CCKBR: variants seen among roughly 807,000 people sequenced by gnomAD.
CCKBR encodes the protein gastrin/cholecystokinin type B receptor.
A neutral mutation model predicts 34.6 loss-of-function variants in CCKBR; 33 were observed. That is an observed-to-expected ratio of 0.95 (90% confidence interval 0.72 to 1.27). The LOEUF is 1.27. Among genes scored for constraint, CCKBR ranks in the 50% most tolerant of loss-of-function variants. The pLI is 0.00. For missense variants in CCKBR, 652 were observed against 617.4 expected (o/e 1.06, Z -0.59); for synonymous variants, 269 against 267.5 (o/e 1.01, Z -0.06).
chr11:6,263,616 A>G (rs1002201887), intron 1 of CCKBR, among the ~76,000 whole-genome samples: 5 of 152,028 alleles, frequency 3.3e-5, no homozygotes, highest in Non-Finnish European at 7.4e-5. Flanking sequence ...GACTACAGGC[A>G]TGTGCCACCA....
chr11:6,261,470 C>CACACACAT (rs1848132618), intron 1 of CCKBR, among the ~76,000 whole-genome samples: 1 of 98,484 alleles, frequency 1.0e-5, no homozygotes, highest in African/African-American at 3.4e-5. Context: ...TATACACACA[C>CACACACAT]ACACACACAC....
In CCKBR at chr11:6,260,079, G is replaced by C; in HGVS notation, c.151G>C (p.Glu51Gln). 6.3e-7 allele frequency: 1 copy of C among 1,590,448 alleles called. No homozygotes were observed. Among genetic ancestry groups the C allele is most frequent in the Non-Finnish European group, 8.5e-7 (1 of 1,172,138 alleles). ...TCGCATTCGCGGAGCCGGGACACGA[G>C]GTGGGTGCCTCCCTCAGCCCCCCCC... ...PPRIRGAGTR[E>Q]LELAIRITLY... Residue 51 changes from glutamate (E) to glutamine (Q), a missense_variant and splice_region_variant, in exon 1 of 5, where the codon GAA becomes CAA. Physicochemically the swap from Glu to Gln is conservative, Grantham distance 29. Coordinates refer to ENST00000334619, the MANE Select transcript of CCKBR (RefSeq NM_176875.4).
In CCKBR at chr11:6,270,665, C is replaced by T. The variant is rs1243234490; in HGVS notation, c.673C>T (p.Leu225Phe). 6.2e-7 allele frequency: 1 copy of T among 1,610,472 alleles called. No homozygotes were observed. Among genetic ancestry groups the T allele is most frequent in the South Asian group, 1.1e-5 (1 of 90,924 alleles). ...RQTWSVLLLL[L>F]LFFIPGVVMA... ...CTTCAGGTCCGTACTGCTGCTTCTG[C>T]TCTTGTTCTTCATCCCGGGTGTGGT... Residue 225 changes from leucine (L) to phenylalanine (F), a missense_variant, in exon 4 of 5, where the codon CTC (leucine) becomes TTC (phenylalanine). Leu to Phe is a conservative substitution (Grantham distance 22, BLOSUM62 0). Transcript: ENST00000334619.
At chr11:6,270,835 C>T (rs1800843) in intron 4 of CCKBR, 32 bp downstream of exon 4, 2 of 1,613,338 alleles carry the variant, frequency 1.2e-6, no homozygotes, top group Non-Finnish European at 1.7e-6. Flanking sequence ...AAAATCTGGG[C>T]GAGGCGGAGC....
intron 1 of CCKBR, among the ~76,000 whole-genome samples, chr11:6,268,636 T>C (rs932477814): frequency 1.3e-5 from 2 of 152,220 alleles, no homozygotes; most frequent in Admixed American, 1.3e-4. Flanking sequence ...AGCTCTCAAA[T>C]GGCAGGGATC....
chr11:6,261,454 A>AAAAAAAATAT (rs1447691939), intron 1 of CCKBR, among the ~76,000 whole-genome samples: 2 of 60,894 alleles, frequency 3.3e-5, no homozygotes, highest in Non-Finnish European at 6.1e-5. Context: ...AAAAAAAAAA[A>AAAAAAAATAT]ATATATATAC....
intron 1 of CCKBR, chr11:6,264,626 C>T (rs750352794): frequency 4.4e-6 from 3 of 681,560 alleles, no homozygotes; most frequent in Non-Finnish European, 8.0e-6. Context: ...GTGGATGTAC[C>T]CCAGCAGGTG....
At chr11:6,270,971 G>T in intron 4 of CCKBR, 40 bp from the exon 5 acceptor site, 2 of 1,613,016 alleles carry the variant, frequency 1.2e-6, no homozygotes, top group African/African-American at 1.3e-5. Context: ...AGACTGGGGG[G>T]ACTCGCCTTT....
chr11:6,269,790 C>T lies in CCKBR; in HGVS notation c.273C>T (p.Ala91=). 6.2e-7 allele frequency: 1 copy of T among 1,614,154 alleles called. No homozygotes were observed. The highest frequency in any genetic ancestry group is 8.5e-7 in the Non-Finnish European group (1 of 1,180,030). ...LSRRLRTVTN[A]FLLSLAVSDL... ...GCCGCCTGAGGACTGTCACCAATGC[C>T]TTCCTCCTCTCACTGGCAGTCAGCG... The change falls in exon 2 of 5, where the codon GCC becomes GCT. Residue 91 remains alanine (A), a synonymous_variant. Transcript: ENST00000334619.
At position 6,261,448 on chromosome 11, in the gene CCKBR, A is replaced by ATATAT. The variant is rs1250920456; in HGVS notation, c.151+1369_151+1370insTATAT. On this transcript the variant is annotated intron_variant, in intron 1 of 4. Transcript: ENST00000334619. ...CTTCCTGTTGGCAAAAAAAAAAAAA[A>ATATAT]AAAAAAATATATATACACACACACA... Among the ~76,000 whole-genome samples, 8 of 34,086 alleles carry ATATAT rather than the reference A, an allele frequency of 2.3e-4. 1 individual carries two copies. Among genetic ancestry groups the ATATAT allele is most frequent in the South Asian group, 1.4e-3 (1 of 730 alleles). The allele number at this position is 34,086 out of a possible 152,430, so 22.4% of individuals were successfully genotyped here. A position where few individuals can be genotyped will look rare whatever the true frequency, so the allele number is the denominator to read the frequency against.
intron 1 of CCKBR, among the ~76,000 whole-genome samples, chr11:6,264,896 C>T (rs772728615): frequency 2.9e-4 from 44 of 152,324 alleles, no homozygotes; most frequent in Non-Finnish European, 5.4e-4. Context: ...TAACAGCTTA[C>T]ATTAGTGTGG....
intron 1 of CCKBR, among the ~76,000 whole-genome samples, chr11:6,266,779 A>G (rs1362602699): frequency 6.6e-6 from 1 of 152,234 alleles, no homozygotes; most frequent in Non-Finnish European, 1.5e-5. Flanking sequence ...TGATGGGGAT[A>G]CCTTCTGAGA....
At chr11:6,264,716 C>T (rs941556388) in intron 1 of CCKBR, 2 of 477,152 alleles carry the variant, frequency 4.2e-6, no homozygotes, top group Admixed American at 1.1e-4. Context: ...CATGCAAACA[C>T]ACATCAATAC....
At position 6,270,344 on chromosome 11, in the gene CCKBR, T is replaced by G; in HGVS notation, c.653+7T>G. The G allele has an allele frequency of 6.2e-7, 1 of 1,608,726 alleles. No individual in the cohort carries two copies. Among genetic ancestry groups the G allele is most frequent in the South Asian group, 1.1e-5 (1 of 90,824 alleles). ...CGCGGGTCCGCCAGACCTGGTGAGCTTGCCCATAAACTATCCTAGGAATTC... is the reference window on the plus strand; with the variant it reads ...CGCGGGTCCGCCAGACCTGGTGAGCGTGCCCATAAACTATCCTAGGAATTC... On this transcript the variant is annotated splice_region_variant and intron_variant, in intron 3 of 4. Transcript: ENST00000334619.
At position 6,271,282 on chromosome 11, in the gene CCKBR, G is replaced by A. The variant is rs1404700315; in HGVS notation, c.1083G>A (p.Pro361=). ...ACACGTGGCGCGCCTTTGATGGCCC[G>A]GGTGCACACCGAGCACTCTCGGGTG... is the stretch of plus-strand genomic sequence containing the variant. ...SANTWRAFDG[P]GAHRALSGAP... The change falls in exon 5 of 5, where the codon CCG becomes CCA. Residue 361 remains proline (P), a synonymous_variant. Transcript: ENST00000334619. 2 of 1,614,200 alleles carry A rather than the reference G, an allele frequency of 1.2e-6. No individual in the cohort carries two copies. Among genetic ancestry groups the A allele is most frequent in the African/African-American group, 2.7e-5 (2 of 75,060 alleles).
intron 1 of CCKBR, among the ~76,000 whole-genome samples, chr11:6,267,264 G>T (rs1277382231): frequency 6.6e-6 from 1 of 151,846 alleles, no homozygotes; most frequent in African/African-American, 2.4e-5. Context: ...TAATAACACA[G>T]TGTAAAACAA....
intron 2 of CCKBR, 60 bp from the exon 3 acceptor site, chr11:6,270,028 C>A: frequency 6.3e-7 from 1 of 1,587,830 alleles, no homozygotes; most frequent in Non-Finnish European, 8.6e-7. Flanking sequence ...GGAAGTCCCA[C>A]TGATGCTTGT....
intron 1 of CCKBR, among the ~76,000 whole-genome samples, chr11:6,260,926 T>G (rs1337503314): frequency 1.3e-5 from 2 of 152,092 alleles, no homozygotes; most frequent in African/African-American, 2.4e-5. Context: ...CCAAAAGAAC[T>G]TCACAGAGGC....
rs538911165 is a variant in CCKBR, at chr11:6,260,888, T to A, written c.151+809T>A. ...GGAAAAATCACAGACACAATGGAAG[T>A]CCCATGAAAGGGTCTAAACTGTGGG... On this transcript the variant is annotated intron_variant, in intron 1 of 4. Transcript: ENST00000334619. Among the ~76,000 whole-genome samples the A allele has an allele frequency of 2.6e-5, 4 of 152,188 alleles. No individual in the cohort carries two copies. The East Asian group carries it at 7.7e-4, about 29-fold the overall frequency.
Sources: gnomAD v4.1 joint callset for allele counts (sites outside exome capture counted in the v4.1 genomes callset) on GRCh38, gnomAD v4.1.1 for gene constraint, MANE v1.5 for transcripts, NCBI Gene and HGNC (gene_info 2026-07-23, HGNC 2026-07-21) for gene names.